RAB31: variants seen among roughly 807,000 people sequenced by gnomAD.
RAB31 encodes ras-related protein Rab-31.
In RAB31, 21 loss-of-function variants were observed where a neutral mutation model predicts 25.6. The observed-to-expected ratio is 0.82, with a 90% CI of 0.58 to 1.18. The LOEUF is 1.18. Ranked by LOEUF, RAB31 falls within the 50% of genes most tolerant of loss-of-function variation. The pLI, the probability that RAB31 is intolerant of heterozygous loss-of-function variation, is 0.00. For missense variants in RAB31, 196 were observed against 250.1 expected, an observed-to-expected ratio of 0.78 and a Z score of 1.46; for synonymous variants, 87 against 84.0, an observed-to-expected ratio of 1.04 and a Z score of -0.20.
intron 1 of RAB31, among the ~76,000 whole-genome samples, chr18:9,770,830 C>T (rs1407345451): frequency 6.7e-6 from 1 of 148,362 alleles, no homozygotes; most frequent in Admixed American, 6.7e-5. Context: ...TAGTAAAGTA[C>T]TTGTGAGTTC....
At chr18:9,748,455 A>T (rs890473646) in intron 1 of RAB31, among the ~76,000 whole-genome samples, 2 of 152,158 alleles carry the variant, frequency 1.3e-5, no homozygotes, top group African/African-American at 4.8e-5. Context: ...ACAGTAAGCC[A>T]TGATTGCACC....
At chr18:9,814,453 G>T (rs901365428) in intron 4 of RAB31, among the ~76,000 whole-genome samples, 3 of 152,100 alleles carry the variant, frequency 2.0e-5, no homozygotes, top group Non-Finnish European at 4.4e-5. Context: ...CATAACATTC[G>T]TGTGTATGTA....
At chr18:9,763,528 A>T (rs1310980720) in intron 1 of RAB31, among the ~76,000 whole-genome samples, 1 of 151,530 alleles carries the variant, frequency 6.6e-6, no homozygotes, top group African/African-American at 2.4e-5. Flanking sequence ...TATATGATAC[A>T]TCTGTAGAAA....
intron 1 of RAB31, among the ~76,000 whole-genome samples, chr18:9,761,802 A>G (rs1177359138): frequency 6.6e-6 from 1 of 152,048 alleles, no homozygotes; most frequent in African/African-American, 2.4e-5. Flanking sequence ...AGCATCTTTC[A>G]TTTGTTTATT....
chr18:9,784,358 G>A (rs147548163), intron 2 of RAB31, among the ~76,000 whole-genome samples: 1 of 151,908 alleles, frequency 6.6e-6, no homozygotes, highest in African/African-American at 2.4e-5. Context: ...TAAAAATTAA[G>A]TCTAAGGATA....
At chr18:9,744,377 T>C (rs1426922859) in intron 1 of RAB31, among the ~76,000 whole-genome samples, 1 of 152,238 alleles carries the variant, frequency 6.6e-6, no homozygotes, top group Non-Finnish European at 1.5e-5. Context: ...TGTAAATTCA[T>C]TTCAACATTC....
chr18:9,813,520 T>C (rs2068585531), intron 3 of RAB31, among the ~76,000 whole-genome samples: 1 of 152,160 alleles, frequency 6.6e-6, no homozygotes. Context: ...ACCACAAGCA[T>C]ACATATGTGT....
At chr18:9,854,029 G>A (rs181852554) in intron 6 of RAB31, among the ~76,000 whole-genome samples, 6 of 148,924 alleles carry the variant, frequency 4.0e-5, no homozygotes, top group African/African-American at 1.5e-4. Context: ...TGTTACACAG[G>A]TATACATATG....
chr18:9,708,566 C>A lies in RAB31; in HGVS notation c.39+122C>A. 1.1e-6 allele frequency: 1 copy of A among 877,770 alleles called. No homozygotes were observed. Among genetic ancestry groups the A allele is most frequent in the Non-Finnish European group, 1.6e-6 (1 of 625,458 alleles). 54.4% of individuals were successfully genotyped at this position (877,770 alleles called of 1,614,324 possible). On this transcript the variant is annotated intron_variant, in intron 1 of 6. Coordinates refer to ENST00000578921, the MANE Select transcript of RAB31 (RefSeq NM_006868.4). The surrounding 1 kb of genome is among the most constrained non-coding windows in gnomAD (Gnocchi z 6.4). ...CGCTCTCCGCACCCCTCTCGTAGCCCCCGTCCCCCTCGTCCGCGCGCCCCC... is the reference window on the plus strand; with the variant it reads ...CGCTCTCCGCACCCCTCTCGTAGCCACCGTCCCCCTCGTCCGCGCGCCCCC...
At chr18:9,716,832 A>T (rs1370548505) in intron 1 of RAB31, among the ~76,000 whole-genome samples, 6 of 151,642 alleles carry the variant, frequency 4.0e-5, no homozygotes, top group Non-Finnish European at 5.9e-5. Context: ...ATAGCCTCGA[A>T]CTCCTGGGCT....
chr18:9,748,897 A>T lies in RAB31; in HGVS notation c.40-26381A>T, dbSNP rs867813076. Among the ~76,000 whole-genome samples the T allele has an allele frequency of 4.6e-5, 7 of 152,070 alleles. No homozygotes were observed. The East Asian group carries it at 5.8e-4, about 13-fold the overall frequency. ...CAGAGCGAGACTCTGTCTCAAAAAA[A>T]AATAATAATAAAAATAAATATAAGA... On this transcript the variant is annotated intron_variant, in intron 1 of 6. Coordinates refer to ENST00000578921, the MANE Select transcript of RAB31 (RefSeq NM_006868.4).
intron 1 of RAB31, among the ~76,000 whole-genome samples, chr18:9,767,408 A>G (rs9304045): frequency 0.069 from 10,496 of 152,290 alleles, 789 homozygotes; most frequent in African/African-American, 0.18. Context: ...CAGTTTACTC[A>G]AACACCTCAC....
At position 9,845,690 on chromosome 18, in the gene RAB31, CAGTA is replaced by C; in HGVS notation, c.490+4_490+7del. ...ATATCGAAGAGCTCTTTCAAGGAAT[CAGTA>C]AGTACCTGAAATTGGGTTTTCAGCC... On this transcript the variant is annotated splice_donor_variant and splice_donor_region_variant and coding_sequence_variant and intron_variant, in exon 6 of 7. Coordinates refer to ENST00000578921, the MANE Select transcript of RAB31 (RefSeq NM_006868.4). LOFTEE classifies it high-confidence loss of function. The C allele has an allele frequency of 6.5e-7, 1 of 1,543,014 alleles. No individual in the cohort carries two copies. Among genetic ancestry groups the C allele is most frequent in the Non-Finnish European group, 8.7e-7 (1 of 1,145,556 alleles).
chr18:9,743,251 A>G (rs1168130876), intron 1 of RAB31, among the ~76,000 whole-genome samples: 1 of 152,252 alleles, frequency 6.6e-6, no homozygotes, highest in African/African-American at 2.4e-5. Context: ...CACCTGAGGA[A>G]GAATGATTAA....
At chr18:9,753,958 T>C (rs183173947) in intron 1 of RAB31, among the ~76,000 whole-genome samples, 1 of 151,866 alleles carries the variant, frequency 6.6e-6, no homozygotes, top group East Asian at 2.0e-4. Flanking sequence ...TAGTGTATCA[T>C]GCGTAAGGAA....
chr18:9,839,944 C>G (rs1359328288), intron 5 of RAB31, among the ~76,000 whole-genome samples: 1 of 152,200 alleles, frequency 6.6e-6, no homozygotes, highest in Non-Finnish European at 1.5e-5. Flanking sequence ...TCCCGCCCTC[C>G]CCATCCCGCA....
intron 2 of RAB31, among the ~76,000 whole-genome samples, chr18:9,780,985 T>C (rs1338819398): frequency 6.6e-6 from 1 of 152,058 alleles, no homozygotes; most frequent in Non-Finnish European, 1.5e-5. Flanking sequence ...AATAATGTTA[T>C]GATGTACCTC....
intron 5 of RAB31, among the ~76,000 whole-genome samples, chr18:9,824,802 C>A (rs1157428143): frequency 6.6e-6 from 1 of 152,172 alleles, no homozygotes; most frequent in African/African-American, 2.4e-5. Context: ...GAGAGATTTT[C>A]CTATCTTGAA....
At chr18:9,742,295 C>G (rs1453785561) in intron 1 of RAB31, among the ~76,000 whole-genome samples, 1 of 152,218 alleles carries the variant, frequency 6.6e-6, no homozygotes, top group African/African-American at 2.4e-5. Flanking sequence ...CAAACTTCTA[C>G]TGCTTCCTAC....
Sources: allele counts gnomAD v4.1 joint callset (sites outside exome capture counted in the v4.1 genomes callset), GRCh38; gene constraint gnomAD v4.1.1; non-coding constraint Gnocchi (gnomAD v3.1); transcripts MANE v1.5; gene names NCBI Gene and HGNC (gene_info 2026-07-23, HGNC 2026-07-21).